TARM1: variants seen among roughly 807,000 people sequenced by gnomAD.
TARM1 encodes the protein T-cell-interacting, activating receptor on myeloid cells protein 1.
In TARM1, 24 loss-of-function variants were observed where a neutral mutation model predicts 30.4. The observed-to-expected ratio is 0.79, with a 90% confidence interval of 0.57 to 1.11. The LOEUF (loss-of-function observed/expected upper bound fraction) is 1.11. TARM1 is among the 50% of genes least tolerant of loss of function. TARM1 has a pLI of 0.00. For synonymous variants in TARM1, 129 were observed against 138.9 expected, an observed-to-expected ratio of 0.93 and a Z score of 0.50; for missense variants, 323 against 332.8, an observed-to-expected ratio of 0.97 and a Z score of 0.23.
chr19:54,075,214 G>A, intron 2 of TARM1, 100 bp from the exon 3 acceptor site: 1 of 1,037,668 alleles, frequency 9.6e-7, no homozygotes, highest in Non-Finnish European at 1.3e-6. Context: ...TTGAGATGGA[G>A]TCTCCCTCTG....
At position 54,075,936 on chromosome 19, in the gene TARM1, G is replaced by A. The variant is rs77043638; in HGVS notation, c.35-18C>T. ...GCACAGTCCTGCAAGACAATCCTCC[G>A]TGAGCCAGAAGCCCCTACCTGGAGC... On this transcript the variant is annotated intron_variant, in intron 1 of 4. Coordinates refer to ENST00000432826, the MANE Select transcript of TARM1 (RefSeq NM_001135686.3). 2.0e-3 allele frequency: 3,128 copies of A among 1,550,888 alleles called. 48 individuals are homozygous for A. In the African/African-American group the frequency reaches 0.032, roughly 16 times the overall value.
chr19:54,074,292 A>G (rs2071889872), intron 3 of TARM1, 76 bp from the exon 4 acceptor site: 1 of 1,381,500 alleles, frequency 7.2e-7, no homozygotes. Flanking sequence ...TCCTGGCCGG[A>G]GGCTCTCGTG....
chr19:54,073,985 T>A lies in TARM1; in HGVS notation c.593A>T (p.Tyr198Phe). The A allele has an allele frequency of 6.4e-7, 1 of 1,551,698 alleles. No individual in the cohort carries two copies. The highest frequency in any genetic ancestry group is 8.7e-7 in the Non-Finnish European group (1 of 1,146,986). Reference sequence around the variant, plus strand: ...CCAGAAGGGAGACTTTGTCTGGTAGTACATGCAGCTGTAGTTCCCAGCATC... The same window carrying A: ...CCAGAAGGGAGACTTTGTCTGGTAGAACATGCAGCTGTAGTTCCCAGCATC... ...AGDAGNYSCMYYQTKSPFWAS... is the reference protein window; with the variant it reads ...AGDAGNYSCMFYQTKSPFWAS... The change falls in exon 4 of 5, where the codon TAC becomes TTC. Residue 198 changes from tyrosine (Y) to phenylalanine (F), a missense_variant. Physicochemically the swap from Tyr to Phe is conservative, Grantham distance 22 (BLOSUM62 3). Transcript: ENST00000432826.
intron 1 of TARM1, among the ~76,000 whole-genome samples, chr19:54,080,344 G>A (rs2072090385): frequency 6.6e-6 from 1 of 150,524 alleles, no homozygotes; most frequent in African/African-American, 2.4e-5. Context: ...TGTAGTCCCA[G>A]CTACTCGGGA....
chr19:54,074,115 G>C lies in TARM1; in HGVS notation c.463C>G (p.Pro155Ala). ...QCQKRDQLFV[P>A]IMFALLKAGT... Reference sequence around the variant, plus strand: ...GCCTTCAGTAGAGCGAACATGATAGGCACAAACAATTGGTCTCGCTTCTGG... The same window carrying C: ...GCCTTCAGTAGAGCGAACATGATAGCCACAAACAATTGGTCTCGCTTCTGG... Residue 155 changes from proline to alanine, a missense_variant, in exon 4 of 5, where the codon CCT becomes GCT. Physicochemically the swap from Pro to Ala is conservative, Grantham distance 27. Transcript: ENST00000432826. The C allele has an allele frequency of 6.4e-7, 1 of 1,551,692 alleles. No homozygotes were observed. The highest frequency in any genetic ancestry group is 1.2e-5 in the South Asian group (1 of 84,064).
chr19:54,079,589 C>T (rs1299703409), intron 1 of TARM1, among the ~76,000 whole-genome samples: 3 of 152,160 alleles, frequency 2.0e-5, no homozygotes, highest in Non-Finnish European at 2.9e-5. Flanking sequence ...CAGTGGCTCA[C>T]GCCTGTAATC....
chr19:54,074,688 A>G (rs1318461849), intron 3 of TARM1, 136 bp downstream of exon 3: 7 of 949,830 alleles, frequency 7.4e-6, no homozygotes, highest in South Asian at 1.7e-5. Context: ...AACATATGCA[A>G]TTTCGTTCCT....
At chr19:54,070,955 G>A (rs1317616062) in intron 4 of TARM1, among the ~76,000 whole-genome samples, 5 of 151,920 alleles carry the variant, frequency 3.3e-5, no homozygotes, top group African/African-American at 1.2e-4. Flanking sequence ...AACAAAAGAT[G>A]GAATCTTTGT....
At chr19:54,074,760 G>T (rs2071901682) in intron 3 of TARM1, 64 bp downstream of exon 3, 1 of 1,498,090 alleles carries the variant, frequency 6.7e-7, no homozygotes, top group East Asian at 2.5e-5. Context: ...TTCTCCCTCT[G>T]TTCCTCCACT....
rs587616188 is a variant in TARM1, at chr19:54,073,744, C to G, written c.658+176G>C. 2.0e-5 allele frequency among the ~76,000 whole-genome samples: 3 copies of G among 152,146 alleles called. No individual in the cohort carries two copies. In the South Asian group the frequency reaches 6.2e-4, roughly 32 times the overall value. On this transcript the variant is annotated intron_variant, in intron 4 of 4. Transcript: ENST00000432826. ...TTGACCTCAGATGATCCATCCACCTCGGCCTCCCAAAGTGCTGGGATGACA... is the reference window on the plus strand; with the variant it reads ...TTGACCTCAGATGATCCATCCACCTGGGCCTCCCAAAGTGCTGGGATGACA...
chr19:54,073,168 G>A (rs2071852489), intron 4 of TARM1, among the ~76,000 whole-genome samples: 2 of 151,714 alleles, frequency 1.3e-5, no homozygotes, highest in Non-Finnish European at 2.9e-5. Flanking sequence ...CAGCACTTTG[G>A]GAGGCCGAGG....
intron 1 of TARM1, among the ~76,000 whole-genome samples, chr19:54,078,035 C>T (rs1249793740): frequency 3.3e-5 from 5 of 152,084 alleles, no homozygotes; most frequent in East Asian, 1.9e-4. Flanking sequence ...TACAGGCATG[C>T]ACCACCATGC....
At chr19:54,071,513 G>A (rs2071811710) in intron 4 of TARM1, among the ~76,000 whole-genome samples, 1 of 152,110 alleles carries the variant, frequency 6.6e-6, no homozygotes, top group Non-Finnish European at 1.5e-5. Context: ...GTGCAGCAGT[G>A]CACCTGAGAA....
In TARM1 at chr19:54,074,073, T is replaced by A. The variant is rs2071880892; in HGVS notation, c.505A>T (p.Ile169Phe). 1 of 1,551,518 alleles carries A rather than the reference T, an allele frequency of 6.4e-7. No individual in the cohort carries two copies. The highest frequency in any genetic ancestry group is 8.7e-7 in the Non-Finnish European group (1 of 1,146,994). ...TTCCCCGCTGGACTCTGCAGCTGGA[T>A]GGGTGATGGCGTCCCTGCCTTCAGT... ...ALLKAGTPSPIQLQSPAGKEI... is the reference protein window; with the variant it reads ...ALLKAGTPSPFQLQSPAGKEI... The change falls in exon 4 of 5, where the codon ATC becomes TTC. Residue 169 changes from isoleucine (I) to phenylalanine (F), a missense_variant. Ile to Phe is a conservative substitution (Grantham distance 21). Transcript: ENST00000432826.
At chr19:54,079,092 TAAAAAAAA>T (rs1162488725) in intron 1 of TARM1, among the ~76,000 whole-genome samples, 1 of 102,426 alleles carries the variant, frequency 9.8e-6, no homozygotes, top group South Asian at 3.8e-4. Flanking sequence ...TTGTCTCTAC[TAAAAAAAA>T]AAAAAAAAAA....
In TARM1 at chr19:54,075,145, C is replaced by T. The variant is rs587637433; in HGVS notation, c.71-31G>A. 57 of 1,537,664 alleles carry T rather than the reference C, an allele frequency of 3.7e-5. 1 individual carries two copies. In the African/African-American group the frequency reaches 5.5e-4, roughly 15 times the overall value. On this transcript the variant is annotated intron_variant, in intron 2 of 4. Coordinates refer to ENST00000432826, the MANE Select transcript of TARM1 (RefSeq NM_001135686.3). ...AGGAAGCAGAGCCTGATGCTGGACCCGATGCCCTCCCCTGCTCTCAGGAAG... is the reference window on the plus strand; with the variant it reads ...AGGAAGCAGAGCCTGATGCTGGACCTGATGCCCTCCCCTGCTCTCAGGAAG...
chr19:54,080,092 A>G (rs254245), intron 1 of TARM1, among the ~76,000 whole-genome samples: 17 of 58,522 alleles, frequency 2.9e-4, no homozygotes, highest in East Asian at 1.8e-3. Context: ...AAAGAGAAAG[A>G]AAGGAAGGAA....
At chr19:54,077,390 A>G (rs183511763) in intron 1 of TARM1, among the ~76,000 whole-genome samples, 3 of 152,212 alleles carry the variant, frequency 2.0e-5, no homozygotes, top group African/African-American at 4.8e-5. Flanking sequence ...GGAAAGAAAA[A>G]AAAAAGAGAA....
intron 4 of TARM1, among the ~76,000 whole-genome samples, chr19:54,073,346 T>G: frequency 8.0e-6 from 1 of 125,080 alleles, no homozygotes; most frequent in Non-Finnish European, 1.6e-5. Flanking sequence ...AAGGTGGAGG[T>G]TGCAGTGAGC....
Sources: gnomAD v4.1 joint callset for allele counts (sites outside exome capture counted in the v4.1 genomes callset) on GRCh38, gnomAD v4.1.1 for gene constraint, MANE v1.5 for transcripts, NCBI Gene and HGNC (gene_info 2026-07-23, HGNC 2026-07-21) for gene names.